The following NRG3 variants were observed in gnomAD, a reference collection of about 807,000 sequenced individuals.
NRG3 encodes pro-neuregulin-3, membrane-bound isoform.
Under a neutral mutation model 66.9 loss-of-function variants are expected in NRG3, and 31 were observed. That is an observed-to-expected ratio of 0.46 (90% CI 0.35 to 0.63). The LOEUF is 0.63. NRG3 is among the 20% of genes least tolerant of loss of function. The pLI is 0.00. For synonymous variants in NRG3, 393 were observed against 359.4 expected, an observed-to-expected ratio of 1.09 and a Z score of -1.06; for missense variants, 910 against 878.9, an observed-to-expected ratio of 1.04 and a Z score of -0.45.
chr10:82,948,029 T>G (rs1849177348), intron 4 of NRG3, among the ~76,000 whole-genome samples: 1 of 151,976 alleles, frequency 6.6e-6, no homozygotes, highest in Non-Finnish European at 1.5e-5. Context: ...TATGTTTTCT[T>G]CTAATTTTGT....
At chr10:82,320,362 G>T (rs1238712067) in intron 1 of NRG3, among the ~76,000 whole-genome samples, 1 of 152,044 alleles carries the variant, frequency 6.6e-6, no homozygotes, top group Non-Finnish European at 1.5e-5. Context: ...TGGAAGAGGA[G>T]AAAAAGAAAA....
At chr10:82,800,462 A>G (rs1314931044) in intron 3 of NRG3, among the ~76,000 whole-genome samples, 2 of 152,068 alleles carry the variant, frequency 1.3e-5, no homozygotes, top group Non-Finnish European at 2.9e-5. Flanking sequence ...CATTAGCACC[A>G]TTCATTCATT....
intron 1 of NRG3, among the ~76,000 whole-genome samples, chr10:82,130,801 G>A (rs551925819): frequency 1.3e-5 from 2 of 152,210 alleles, no homozygotes; most frequent in South Asian, 4.2e-4. Context: ...GTGTTGTTAA[G>A]CACCTTTTCA....
chr10:82,622,727 A>G (rs1348323354), intron 2 of NRG3, among the ~76,000 whole-genome samples: 4 of 152,194 alleles, frequency 2.6e-5, no homozygotes, highest in Non-Finnish European at 5.9e-5. Flanking sequence ...ACTACACTCT[A>G]CAGTGTGTTG....
At chr10:82,534,900 C>T (rs1008592690) in intron 2 of NRG3, among the ~76,000 whole-genome samples, 2 of 151,726 alleles carry the variant, frequency 1.3e-5, no homozygotes, top group Non-Finnish European at 2.9e-5. Context: ...CAGTGGCTCA[C>T]ACCTGTAATC....
chr10:81,946,933 C>A (rs1002326838), intron 1 of NRG3, among the ~76,000 whole-genome samples: 2 of 152,186 alleles, frequency 1.3e-5, no homozygotes, highest in African/African-American at 4.8e-5. Flanking sequence ...ACTGTACTAG[C>A]TTCCTAGGGA....
chr10:82,224,690 C>T (rs2076091226), intron 1 of NRG3, among the ~76,000 whole-genome samples: 1 of 152,084 alleles, frequency 6.6e-6, no homozygotes, highest in Non-Finnish European at 1.5e-5. Context: ...TGATACCACA[C>T]CAGGAAAATT....
intron 5 of NRG3, among the ~76,000 whole-genome samples, chr10:82,952,457 C>CTA (rs1422402555): frequency 3.3e-5 from 1 of 30,106 alleles, no homozygotes; most frequent in Non-Finnish European, 6.6e-5. Flanking sequence ...ATAAACGTCT[C>CTA]TCTCTCTCTC....
intron 1 of NRG3, among the ~76,000 whole-genome samples, chr10:82,300,872 T>C (rs2080362995): frequency 6.6e-6 from 1 of 152,090 alleles, no homozygotes. Context: ...CTTGTACTCC[T>C]ATAGTCCCAG....
intron 1 of NRG3, among the ~76,000 whole-genome samples, chr10:82,154,788 A>G (rs911112016): frequency 1.3e-5 from 2 of 151,640 alleles, no homozygotes; most frequent in African/African-American, 2.4e-5. Flanking sequence ...AAATTTATTC[A>G]TAAGTTTTCT....
intron 3 of NRG3, among the ~76,000 whole-genome samples, chr10:82,822,519 C>G (rs771152055): frequency 1.3e-5 from 2 of 152,112 alleles, no homozygotes; most frequent in Non-Finnish European, 2.9e-5. Flanking sequence ...ATAACTTGCT[C>G]TACACAATTG....
intron 1 of NRG3, among the ~76,000 whole-genome samples, chr10:82,235,200 C>T (rs1275636498): frequency 2.6e-5 from 4 of 152,224 alleles, no homozygotes; most frequent in Non-Finnish European, 4.4e-5. Context: ...AACACAGCTG[C>T]ACCCTTTCAT....
chr10:82,084,981 C>T (rs2065632983), intron 1 of NRG3, among the ~76,000 whole-genome samples: 2 of 152,096 alleles, frequency 1.3e-5, no homozygotes, highest in Admixed American at 1.3e-4. Context: ...CTATGTTGGG[C>T]AACTAGTCCC....
chr10:82,593,833 TTAATA>T (rs1352528413), intron 2 of NRG3, among the ~76,000 whole-genome samples: 1 of 151,910 alleles, frequency 6.6e-6, no homozygotes, highest in Non-Finnish European at 1.5e-5. Context: ...ATATATTTCT[TTAATA>T]TATATGTGTA....
At chr10:82,629,158 AC>A (rs1357384465) in intron 2 of NRG3, among the ~76,000 whole-genome samples, 1 of 152,182 alleles carries the variant, frequency 6.6e-6, no homozygotes, top group Non-Finnish European at 1.5e-5. Context: ...AGGCTGTGCA[AC>A]CTTTTCCCAG....
intron 6 of NRG3, among the ~76,000 whole-genome samples, chr10:82,971,904 G>A (rs1173904909): frequency 6.6e-6 from 1 of 152,020 alleles, no homozygotes; most frequent in Non-Finnish European, 1.5e-5. Context: ...ACTGTTAAAA[G>A]CTTTTTCACC....
At chr10:82,426,640 A>ATTG (rs2089468580) in intron 2 of NRG3, among the ~76,000 whole-genome samples, 1 of 128,202 alleles carries the variant, frequency 7.8e-6, no homozygotes, top group Non-Finnish European at 1.6e-5. Flanking sequence ...TATTATTATT[A>ATTG]TTATTATTTT....
intron 1 of NRG3, among the ~76,000 whole-genome samples, chr10:81,986,280 G>T (rs2060515893): frequency 6.6e-6 from 1 of 151,952 alleles, no homozygotes; most frequent in Non-Finnish European, 1.5e-5. Context: ...TTTAATACTA[G>T]TACCCTTAAA....
chr10:82,907,267 A>G (rs1043916579), intron 4 of NRG3, among the ~76,000 whole-genome samples: 1 of 152,150 alleles, frequency 6.6e-6, no homozygotes, highest in Non-Finnish European at 1.5e-5. Flanking sequence ...ATACCTGCCT[A>G]TATTTATTTG....
Sources: gnomAD v4.1 joint callset for allele counts (sites outside exome capture counted in the v4.1 genomes callset) on GRCh38, gnomAD v4.1.1 for gene constraint, MANE v1.5 for transcripts, NCBI Gene and HGNC (gene_info 2026-07-23, HGNC 2026-07-21) for gene names.